The following GNG4 variants were observed in gnomAD, a reference collection of about 807,000 sequenced individuals.
GNG4 encodes guanine nucleotide-binding protein G(I)/G(S)/G(O) subunit gamma-4.
Under a neutral mutation model 5.8 loss-of-function variants are expected in GNG4, and 4 were observed. That is an observed-to-expected ratio of 0.69 (90% CI 0.34 to 1.57). The LOEUF (loss-of-function observed/expected upper bound fraction) is 1.57. Among genes scored for constraint, GNG4 ranks in the 40% most tolerant of loss-of-function variants. The pLI, the probability that GNG4 is intolerant of heterozygous loss-of-function variation, is 0.06. For missense variants in GNG4, 96 were observed against 95.1 expected, an observed-to-expected ratio of 1.01 and a Z score of -0.04; for synonymous variants, 29 against 32.9, an observed-to-expected ratio of 0.88 and a Z score of 0.41.
rs185937721 is a variant in GNG4 at position 235,613,117 on chromosome 1, G to T, written c.-122-17606C>A. ...AACACAGAATTTTTTTTGGAGGGGT[G>T]GGGGGGTCACAAACATTCAGACCAT... On this transcript the variant is annotated intron_variant, in intron 1 of 3. Transcript: ENST00000391854. 5.3e-4 allele frequency among the ~76,000 whole-genome samples: 79 copies of T among 148,342 alleles called. 1 individual carries two copies. Among genetic ancestry groups the T allele is most frequent in the South Asian group, 2.5e-3 (12 of 4,788 alleles).
chr1:235,555,224 G>A (rs1686871223), intron 3 of GNG4, among the ~76,000 whole-genome samples: 1 of 152,168 alleles, frequency 6.6e-6, no homozygotes, highest in Non-Finnish European at 1.5e-5. Flanking sequence ...CCAGACAGTA[G>A]AGGACACCTT....
At chr1:235,627,521 G>A (rs12065771) in intron 1 of GNG4, among the ~76,000 whole-genome samples, 5,048 of 152,092 alleles carry the variant, frequency 0.033, 267 homozygotes, top group African/African-American at 0.11. Context: ...GCACCTGGCC[G>A]ACATAGTTTT....
chr1:235,552,968 A>C (rs1686792473), intron 3 of GNG4, among the ~76,000 whole-genome samples: 1 of 152,166 alleles, frequency 6.6e-6, no homozygotes, highest in Non-Finnish European at 1.5e-5. Context: ...TATGTTGGCC[A>C]GGCTGGTCTC....
At chr1:235,636,695 C>T (rs1405010679) in intron 1 of GNG4, among the ~76,000 whole-genome samples, 1 of 152,176 alleles carries the variant, frequency 6.6e-6, no homozygotes, top group Non-Finnish European at 1.5e-5. Flanking sequence ...ATCCGATGAA[C>T]CCCCAAAGCA....
chr1:235,630,523 C>T (rs1688910176), intron 1 of GNG4, among the ~76,000 whole-genome samples: 1 of 152,176 alleles, frequency 6.6e-6, no homozygotes, highest in African/African-American at 2.4e-5. Context: ...GACGAAAGTA[C>T]ACGGTTTGCA....
At chr1:235,632,650 TTGTAAC>T (rs765573869) in intron 1 of GNG4, among the ~76,000 whole-genome samples, 8 of 152,206 alleles carry the variant, frequency 5.3e-5, no homozygotes, top group Non-Finnish European at 1.2e-4. Context: ...GTCTTCCCTT[TTGTAAC>T]TGTCTGTCGT....
In GNG4 at chr1:235,648,807, G is replaced by A. The variant is rs1442839019; in HGVS notation, c.-123+855C>T. Among the ~76,000 whole-genome samples, 1 of 152,256 alleles carries A rather than the reference G, an allele frequency of 6.6e-6. No homozygotes were observed. ...GACGCGGCAGCCGCGGGGCCGGGGA[G>A]ACGGTGGGAGGCCCGGCGTCCATCA... On this transcript the variant is annotated intron_variant, in intron 1 of 3. Coordinates refer to ENST00000391854, the MANE Select transcript of GNG4 (RefSeq NM_001098722.2). This position sits in a 1 kb window ranked among gnomAD's most constrained non-coding sequence, Gnocchi z 5.0.
chr1:235,584,652 GCTAC>G (rs1301708146), intron 2 of GNG4, among the ~76,000 whole-genome samples: 1 of 123,312 alleles, frequency 8.1e-6, no homozygotes, highest in Non-Finnish European at 1.7e-5. Context: ...CCAGTGTAGT[GCTAC>G]CTGTTTCACA....
At chr1:235,615,225 A>G (rs1187071557) in intron 1 of GNG4, 1 of 152,260 alleles carries the variant, frequency 6.6e-6, no homozygotes, top group Non-Finnish European at 1.5e-5. Flanking sequence ...TGAAAGGGCG[A>G]GCAGAAGAGT....
chr1:235,636,598 C>T (rs1175768447), intron 1 of GNG4, among the ~76,000 whole-genome samples: 5 of 152,184 alleles, frequency 3.3e-5, no homozygotes, highest in Non-Finnish European at 5.9e-5. Flanking sequence ...TCCATGGGTC[C>T]TCCAGCAGGG....
chr1:235,579,862 A>AAAAAAAT (rs57019025), intron 3 of GNG4, among the ~76,000 whole-genome samples: 4 of 108,580 alleles, frequency 3.7e-5, no homozygotes, highest in Non-Finnish European at 7.1e-5. Flanking sequence ...CAAAAAAAAA[A>AAAAAAAT]AGGTAAAAAG....
intron 1 of GNG4, among the ~76,000 whole-genome samples, chr1:235,599,270 C>T (rs190891764): frequency 3.3e-5 from 5 of 151,968 alleles, no homozygotes; most frequent in Admixed American, 1.3e-4. Flanking sequence ...CCCAAACCTA[C>T]GAAGTCAAAT....
Position 235,571,468 on chromosome 1 carries a change from A to G in GNG4, c.99+12272T>C, listed in dbSNP as rs893136367. 9.9e-5 allele frequency among the ~76,000 whole-genome samples: 15 copies of G among 152,236 alleles called. 1 individual carries two copies. Among genetic ancestry groups the G allele is most frequent in the Admixed American group, 9.8e-4 (15 of 15,284 alleles). The stretch of plus-strand genomic sequence containing the variant: ...TGACTTGTTCAGAACAACGCGTATT[A>G]AGCACTCAGTAAATGTTGGCCGCTA... On this transcript the variant is annotated intron_variant, in intron 3 of 3. Transcript: ENST00000391854.
chr1:235,592,540 T>C (rs976043688), intron 2 of GNG4, among the ~76,000 whole-genome samples: 1 of 151,944 alleles, frequency 6.6e-6, no homozygotes, highest in Admixed American at 6.6e-5. Context: ...TTCCTGAGGG[T>C]CCTGGAGGGA....
intron 1 of GNG4, among the ~76,000 whole-genome samples, chr1:235,627,521 G>T (rs12065771): frequency 2.0e-5 from 3 of 151,994 alleles, no homozygotes; most frequent in Non-Finnish European, 2.9e-5. Context: ...GCACCTGGCC[G>T]ACATAGTTTT....
intron 2 of GNG4, among the ~76,000 whole-genome samples, chr1:235,589,128 G>A (rs1031599368): frequency 6.6e-5 from 10 of 152,322 alleles, no homozygotes; most frequent in Admixed American, 6.5e-4. Context: ...AACTCCACTT[G>A]TCATCACAGC....
chr1:235,583,844 TG>T lies in GNG4; in HGVS notation c.-7del. ...TTAGACATGCCCTCTTTCATTCTACTGCCCCTAGAAGTAACCAAAGTAAAAG... is the reference window on the plus strand; with the variant it reads ...TTAGACATGCCCTCTTTCATTCTACTCCCCTAGAAGTAACCAAAGTAAAAG... On this transcript the variant is annotated 5_prime_UTR_variant, in exon 3 of 4. Transcript: ENST00000391854. The T allele has an allele frequency of 6.2e-7, 1 of 1,604,464 alleles. No individual in the cohort carries two copies. The highest frequency in any genetic ancestry group is 8.5e-7 in the Non-Finnish European group (1 of 1,171,364).
intron 1 of GNG4, among the ~76,000 whole-genome samples, chr1:235,620,778 A>G (rs1437761954): frequency 2.0e-5 from 3 of 152,114 alleles, no homozygotes; most frequent in Non-Finnish European, 2.9e-5. Flanking sequence ...CTCGTGATCC[A>G]CCTGCCTCGG....
chr1:235,595,154 G>C (rs1376659213), intron 2 of GNG4, among the ~76,000 whole-genome samples: 1 of 152,166 alleles, frequency 6.6e-6, no homozygotes, highest in Non-Finnish European at 1.5e-5. Flanking sequence ...TCCCCCAACA[G>C]GTGCACATCC....
Sources: gnomAD v4.1 joint callset for allele counts (sites outside exome capture counted in the v4.1 genomes callset) on GRCh38, gnomAD v4.1.1 for gene constraint, Gnocchi (gnomAD v3.1) non-coding constraint, MANE v1.5 for transcripts, NCBI Gene and HGNC (gene_info 2026-07-23, HGNC 2026-07-21) for gene names.